PREP: variants seen among roughly 807,000 people sequenced by gnomAD.
PREP encodes dJ355L5.1 (prolyl endopeptidase).
A neutral mutation model predicts 87.6 loss-of-function variants in PREP; 29 were observed. That is an observed-to-expected ratio of 0.33 (90% CI 0.25 to 0.45). PREP has a LOEUF of 0.45. PREP is among the 20% of genes least tolerant of loss of function. The pLI is 1.00. For missense variants in PREP, 695 were observed against 886.5 expected (o/e 0.78, Z 2.74); for synonymous variants, 337 against 328.6 (o/e 1.03, Z -0.28).
intron 7 of PREP, among the ~76,000 whole-genome samples, chr6:105,347,017 T>C (rs1231162341): frequency 6.6e-6 from 1 of 151,868 alleles, no homozygotes; most frequent in Non-Finnish European, 1.5e-5. Context: ...GGAGAATCAC[T>C]TGAACCCAGG....
At chr6:105,322,894 G>A (rs1407753634) in intron 10 of PREP, 8 of 1,183,632 alleles carry the variant, frequency 6.8e-6, no homozygotes, top group Non-Finnish European at 8.6e-6. Flanking sequence ...GAAACATTGT[G>A]GGGAACATCC....
chr6:105,389,609 G>C (rs971840325), intron 2 of PREP, among the ~76,000 whole-genome samples: 2 of 152,188 alleles, frequency 1.3e-5, no homozygotes, highest in Non-Finnish European at 2.9e-5. Flanking sequence ...TTGGCTTAGA[G>C]ACATTTAACT....
intron 2 of PREP, among the ~76,000 whole-genome samples, chr6:105,393,398 A>C (rs962441809): frequency 2.6e-5 from 4 of 152,206 alleles, no homozygotes; most frequent in Admixed American, 2.6e-4. Context: ...GGGGCGGGGC[A>C]GGGGGTAGAG....
intron 10 of PREP, among the ~76,000 whole-genome samples, chr6:105,296,141 G>A (rs1770405413): frequency 6.6e-6 from 1 of 152,138 alleles, no homozygotes; most frequent in African/African-American, 2.4e-5. Context: ...CATCAGCAGT[G>A]GATGTTAAAA....
intron 2 of PREP, among the ~76,000 whole-genome samples, chr6:105,387,216 C>CAA (rs60303469): frequency 7.1e-4 from 103 of 144,670 alleles, no homozygotes; most frequent in African/African-American, 1.9e-3. Context: ...GCCTCCATCT[C>CAA]AAAAAAAAAA....
chr6:105,340,419 T>C (rs1342430205), intron 7 of PREP, among the ~76,000 whole-genome samples: 1 of 152,132 alleles, frequency 6.6e-6, no homozygotes. Context: ...GAACAACCGG[T>C]ACCAGACACT....
intron 2 of PREP, among the ~76,000 whole-genome samples, chr6:105,384,391 G>A (rs955798869): frequency 4.6e-5 from 7 of 152,188 alleles, no homozygotes; most frequent in African/African-American, 1.4e-4. Flanking sequence ...TGGCTGGAAC[G>A]GTGACAGTTA....
At chr6:105,378,855 T>C (rs1030603072) in intron 2 of PREP, among the ~76,000 whole-genome samples, 14 of 152,316 alleles carry the variant, frequency 9.2e-5, no homozygotes, top group African/African-American at 2.6e-4. Context: ...GAGTTCACTT[T>C]TGGATATATC....
chr6:105,310,123 C>T (rs551017744), intron 10 of PREP, among the ~76,000 whole-genome samples: 3 of 152,112 alleles, frequency 2.0e-5, no homozygotes, highest in East Asian at 3.9e-4. Flanking sequence ...GAAAAGTAAT[C>T]GGAAGAAGAG....
intron 4 of PREP, among the ~76,000 whole-genome samples, chr6:105,373,970 T>C (rs1446543281): frequency 6.6e-6 from 1 of 152,210 alleles, no homozygotes; most frequent in Non-Finnish European, 1.5e-5. Context: ...TTTAGAGTAA[T>C]GACTGAATTA....
At chr6:105,368,571 G>A (rs1772455288) in intron 6 of PREP, among the ~76,000 whole-genome samples, 1 of 152,100 alleles carries the variant, frequency 6.6e-6, no homozygotes. Context: ...TTTGTGGAAG[G>A]CTACCACACT....
At chr6:105,304,407 T>C (rs946607727) in intron 10 of PREP, among the ~76,000 whole-genome samples, 1 of 152,138 alleles carries the variant, frequency 6.6e-6, no homozygotes, top group Non-Finnish European at 1.5e-5. Flanking sequence ...CGCAGATAAA[T>C]TGTTAAGTAA....
chr6:105,369,610 T>C (rs148660075), intron 5 of PREP, among the ~76,000 whole-genome samples: 30 of 152,032 alleles, frequency 2.0e-4, no homozygotes, highest in African/African-American at 6.5e-4. Flanking sequence ...AACAGACAAA[T>C]AGATCAATGG....
At chr6:105,282,613 TTAAC>T in intron 12 of PREP, 31 bp from the exon 13 acceptor site, 1 of 1,601,406 alleles carries the variant, frequency 6.2e-7, no homozygotes, top group Non-Finnish European at 8.5e-7. Flanking sequence ...AGATAGTTAA[TTAAC>T]AAAACATAAA....
chr6:105,286,756 T>C (rs1008310278), intron 11 of PREP, among the ~76,000 whole-genome samples: 2 of 147,490 alleles, frequency 1.4e-5, no homozygotes, highest in African/African-American at 2.5e-5. Context: ...ATTAGCCAGA[T>C]TGATGTTTGA....
rs969781446 is a variant in PREP at position 105,376,119 on chromosome 6, A to G, written c.385+6T>C. 6.2e-7 allele frequency: 1 copy of G among 1,612,538 alleles called. No homozygotes were observed. Among genetic ancestry groups the G allele is most frequent in the African/African-American group, 1.3e-5 (1 of 74,858 alleles). ...AGTTCCACGGGCCTCTCTGTGTAGC[A>G]CTTACCTCGGAGTGCCACTGTGCCA... On this transcript the variant is annotated splice_donor_region_variant and intron_variant, in intron 4 of 14. Transcript: ENST00000652536.
In PREP at chr6:105,275,211, A is replaced by G. The variant is rs1006970453; in HGVS notation, c.*2933T>C. Among the ~76,000 whole-genome samples, 3 of 152,170 alleles carry G rather than the reference A, an allele frequency of 2.0e-5. No individual in the cohort carries two copies. Among genetic ancestry groups the G allele is most frequent in the Non-Finnish European group, 4.4e-5 (3 of 68,020 alleles). ...TTGCAACTCCTTCTGGGCATTAGCT[A>G]TGTGGCCTGCTGGGAACTTCCAGAG... On this transcript the variant is annotated 3_prime_UTR_variant, in exon 15 of 15. Transcript: ENST00000652536.
At chr6:105,364,864 CTA>C (rs1772346723) in intron 6 of PREP, among the ~76,000 whole-genome samples, 1 of 152,218 alleles carries the variant, frequency 6.6e-6, no homozygotes, top group Non-Finnish European at 1.5e-5. Flanking sequence ...ATACTAGGTT[CTA>C]TGACTGGACT....
chr6:105,297,038 C>T (rs1030881530), intron 10 of PREP, among the ~76,000 whole-genome samples: 1 of 152,210 alleles, frequency 6.6e-6, no homozygotes, highest in African/African-American at 2.4e-5. Context: ...TGGCAGATGG[C>T]CTGTTCACAT....
Sources: gnomAD v4.1 joint callset for allele counts (sites outside exome capture counted in the v4.1 genomes callset) on GRCh38, gnomAD v4.1.1 for gene constraint, MANE v1.5 for transcripts, NCBI Gene and HGNC (gene_info 2026-07-23, HGNC 2026-07-21) for gene names.